The following PI4KA variants were observed in gnomAD, a reference collection of about 807,000 sequenced individuals.
PI4KA encodes PI4-kinase alpha.
A neutral mutation model predicts 271.4 loss-of-function variants in PI4KA; 122 were observed. The observed-to-expected ratio is 0.45, with a 90% CI of 0.39 to 0.52. PI4KA has a LOEUF of 0.52. Among genes scored for constraint, PI4KA ranks in the 20% least tolerant of loss-of-function variants. PI4KA has a pLI of 0.00. For synonymous variants in PI4KA, 1,041 were observed against 1,078.8 expected (o/e 0.96, Z 0.69); for missense variants, 1,969 against 2,769.1 (o/e 0.71, Z 6.48).
At chr22:20,720,109 G>GA (rs1255552778) in intron 43 of PI4KA, among the ~76,000 whole-genome samples, 2 of 141,658 alleles carry the variant, frequency 1.4e-5, no homozygotes, top group African/African-American at 5.3e-5. Flanking sequence ...ACTGTACAAA[G>GA]AAATGCATCA....
At chr22:20,780,775 C>CAAAAAAAAAAAAAAAAAAAAAA (rs538327544) in intron 19 of PI4KA, among the ~76,000 whole-genome samples, 20 of 67,668 alleles carry the variant, frequency 3.0e-4, no homozygotes, top group African/African-American at 7.2e-4. Context: ...GACTCCATCT[C>CAAAAAAAAAAAAAAAAAAAAAA]AAAAAAAAAA....
chr22:20,726,359 G>C (rs1345703329), intron 42 of PI4KA, 129 bp downstream of exon 42: 2 of 670,946 alleles, frequency 3.0e-6, no homozygotes, highest in South Asian at 4.9e-5. Flanking sequence ...GGGAGCAAGG[G>C]GACTGCTGGG....
At chr22:20,821,865 G>GATTAT (rs1466182459) in intron 4 of PI4KA, among the ~76,000 whole-genome samples, 1 of 152,196 alleles carries the variant, frequency 6.6e-6, no homozygotes, top group Non-Finnish European at 1.5e-5. Context: ...AAGGTACTGG[G>GATTAT]ATTATAGGCA....
chr22:20,749,033 C>CT (rs1214841605), intron 28 of PI4KA, among the ~76,000 whole-genome samples: 1 of 152,172 alleles, frequency 6.6e-6, no homozygotes, highest in Admixed American at 6.5e-5. Flanking sequence ...CTATCAGCTG[C>CT]TTTTTTTGTC....
intron 1 of PI4KA, among the ~76,000 whole-genome samples, chr22:20,850,721 G>A (rs1926859571): frequency 6.6e-6 from 1 of 152,014 alleles, no homozygotes; most frequent in African/African-American, 2.4e-5. Context: ...ACAGGTGTGA[G>A]CCACCGCGCC....
At chr22:20,725,717 G>A (rs1032920830) in intron 42 of PI4KA, 14 of 286,200 alleles carry the variant, frequency 4.9e-5, no homozygotes, top group African/African-American at 1.3e-4. Flanking sequence ...ACAACATAGC[G>A]AAACTCCATC....
At chr22:20,767,581 G>C (rs750954177) in intron 19 of PI4KA, among the ~76,000 whole-genome samples, 7 of 151,936 alleles carry the variant, frequency 4.6e-5, no homozygotes, top group Non-Finnish European at 8.8e-5. Context: ...TCCCACCTCA[G>C]CCTTCCCAGT....
Position 20,727,346 on chromosome 22 carries a change from C to T in PI4KA, c.4825G>A (p.Val1609Met), listed in dbSNP as rs202031892. The change falls in exon 41 of 55, where the codon GTG becomes ATG. Residue 1609 changes from valine to methionine, a missense_variant. Coordinates refer to ENST00000255882, the MANE Select transcript of PI4KA (RefSeq NM_058004.4). ...IDADAPELSH[V>M]LCWAPTDPPT... ...GGGTCCGTGGGCGCCCAGCACAGCA[C>T]ATGGCTGAGCTCTGGAGCATCGGCG... 1.2e-5 allele frequency: 19 copies of T among 1,611,912 alleles called. No individual in the cohort carries two copies.
chr22:20,807,835 T>G (rs1935755670), intron 9 of PI4KA, among the ~76,000 whole-genome samples: 1 of 152,050 alleles, frequency 6.6e-6, no homozygotes, highest in Non-Finnish European at 1.5e-5. Flanking sequence ...CTGTCCATCA[T>G]CCCAAGGATA....
chr22:20,811,058 A>G, intron 8 of PI4KA, 26 bp from the exon 9 acceptor site: 1 of 1,551,544 alleles, frequency 6.4e-7, no homozygotes, highest in Non-Finnish European at 8.9e-7. Flanking sequence ...AACCTCATGA[A>G]GCAACTGACA....
At chr22:20,846,276 AAAAAAAAG>A (rs1484302158) in intron 1 of PI4KA, among the ~76,000 whole-genome samples, 3 of 151,470 alleles carry the variant, frequency 2.0e-5, no homozygotes, top group African/African-American at 4.8e-5. Context: ...AAAAAAAAAA[AAAAAAAAG>A]AAAAGAAGAA....
chr22:20,804,219 C>T, intron 12 of PI4KA, 81 bp downstream of exon 12: 1 of 959,618 alleles, frequency 1.0e-6, no homozygotes, highest in Admixed American at 1.7e-5. Flanking sequence ...GTGTGCCCAC[C>T]ACAGCCTGAA....
At chr22:20,789,229 A>C (rs1934474147) in intron 19 of PI4KA, among the ~76,000 whole-genome samples, 1 of 152,216 alleles carries the variant, frequency 6.6e-6, no homozygotes, top group South Asian at 2.1e-4. Flanking sequence ...CAGTATCCTC[A>C]TCTGTAAAAT....
intron 1 of PI4KA, among the ~76,000 whole-genome samples, chr22:20,854,860 C>A (rs1289589979): frequency 6.6e-6 from 1 of 152,068 alleles, no homozygotes; most frequent in Non-Finnish European, 1.5e-5. Flanking sequence ...CTCTTAAGAA[C>A]AAGAAACTTG....
At chr22:20,786,337 T>C (rs1052039356) in intron 19 of PI4KA, among the ~76,000 whole-genome samples, 1 of 152,120 alleles carries the variant, frequency 6.6e-6, no homozygotes, top group Non-Finnish European at 1.5e-5. Flanking sequence ...GCACGGCACC[T>C]GGCAGACACT....
rs150185607 is a variant in PI4KA at position 20,849,678 on chromosome 22, C to A, written c.156+8892G>T. Among the ~76,000 whole-genome samples the A allele has an allele frequency of 5.9e-3, 892 of 152,072 alleles. 8 individuals are homozygous for A. The highest frequency in any genetic ancestry group is 0.055 in the East Asian group (284 of 5,166). On this transcript the variant is annotated intron_variant, in intron 1 of 54. Coordinates refer to ENST00000255882, the MANE Select transcript of PI4KA (RefSeq NM_058004.4). ...AGACCATCCGGCTAACACGATGAAACCCTGCCTCTACTAAAAATACAAAAA... is the reference window on the plus strand; with the variant it reads ...AGACCATCCGGCTAACACGATGAAAACCTGCCTCTACTAAAAATACAAAAA...
chr22:20,729,692 G>C lies in PI4KA; in HGVS notation c.4428C>G (p.Asn1476Lys). 2 of 1,591,976 alleles carry C rather than the reference G, an allele frequency of 1.3e-6. No individual in the cohort carries two copies. The highest frequency in any genetic ancestry group is 1.7e-6 in the Non-Finnish European group (2 of 1,167,392). The change falls in exon 38 of 55, where the codon AAC becomes AAG. Residue 1476 changes from asparagine to lysine, a missense_variant. Physicochemically the swap from Asn to Lys is moderately conservative, Grantham distance 94. This residue lies in a region of PI4KA where 388 missense variants were observed against 521.5 expected (regional missense o/e 0.74). Transcript: ENST00000255882. The part of the protein sequence containing the change: ...SKKSGMSKKT[N>K]RGSQLHKYYM... ...AGTATTTGTGCAGCTGGGAGCCCCGGTTGGTTTTCTTAGACATGCCTAGGA... is the reference window on the plus strand; with the variant it reads ...AGTATTTGTGCAGCTGGGAGCCCCGCTTGGTTTTCTTAGACATGCCTAGGA...
intron 19 of PI4KA, among the ~76,000 whole-genome samples, chr22:20,777,971 G>A (rs1933434360): frequency 6.6e-6 from 1 of 152,142 alleles, no homozygotes; most frequent in African/African-American, 2.4e-5. Context: ...TTGAGTAAGA[G>A]CTTGCTGACA....
Position 20,727,365 on chromosome 22 carries a change from A to T in PI4KA, c.4806T>A (p.Asp1602Glu). The change falls in exon 41 of 55, where the codon GAT becomes GAA. Residue 1602 changes from aspartate to glutamate, a missense_variant. Asp to Glu is a conservative substitution (Grantham distance 45). Around this residue, in one of 13 missense-constraint regions of PI4KA, gnomAD observed 388 missense variants for 521.5 expected, o/e 0.74. Transcript: ENST00000255882. ...FLVTWHTIDADAPELSHVLCW... is the reference protein window; with the variant it reads ...FLVTWHTIDAEAPELSHVLCW... ...ACAGCACATGGCTGAGCTCTGGAGCATCGGCGTCGATGGTGTGCCAGGTGA... is the reference window on the plus strand; with the variant it reads ...ACAGCACATGGCTGAGCTCTGGAGCTTCGGCGTCGATGGTGTGCCAGGTGA... The T allele has an allele frequency of 6.2e-7, 1 of 1,607,548 alleles. No individual in the cohort carries two copies.
Sources: allele counts gnomAD v4.1 joint callset (sites outside exome capture counted in the v4.1 genomes callset), GRCh38; gene constraint gnomAD v4.1.1; regional missense constraint gnomAD v4.1.1; transcripts MANE v1.5; gene names NCBI Gene and HGNC (gene_info 2026-07-23, HGNC 2026-07-21).